The following ZFHX4 variants were observed in gnomAD, a reference collection of about 807,000 sequenced individuals.
The protein encoded by ZFHX4 is zinc finger homeobox protein 4.
ZFHX4 carries 56 observed loss-of-function variants against 267.6 expected under a neutral mutation model. That is an observed-to-expected ratio of 0.21 (90% confidence interval 0.17 to 0.26). ZFHX4 has a LOEUF of 0.26. Among genes scored for constraint, ZFHX4 ranks in the 10% least tolerant of loss-of-function variants. The pLI, the probability that ZFHX4 is intolerant of heterozygous loss-of-function variation, is 1.00. For synonymous variants in ZFHX4, 1,778 were observed against 1,665.6 expected (o/e 1.07, Z -1.64); for missense variants, 4,332 against 4,420.0 (o/e 0.98, Z 0.56).
intron 4 of ZFHX4, among the ~76,000 whole-genome samples, chr8:76,778,973 T>TG (rs1563517318): frequency 6.6e-6 from 1 of 152,238 alleles, no homozygotes; most frequent in Non-Finnish European, 1.5e-5. Flanking sequence ...GTTTTTGCTT[T>TG]GGTTGACCTG....
At position 76,852,189 on chromosome 8, in the gene ZFHX4, G is replaced by C; in HGVS notation, c.5268G>C (p.Leu1756Phe). 6.2e-7 allele frequency: 1 copy of C among 1,613,868 alleles called. No individual in the cohort carries two copies. The highest frequency in any genetic ancestry group is 8.5e-7 in the Non-Finnish European group (1 of 1,179,840). Residue 1756 changes from leucine (L) to phenylalanine (F), a missense_variant, in exon 10 of 11, where the codon TTG becomes TTC. Physicochemically the swap from Leu to Phe is conservative, Grantham distance 22. This residue lies in a region of ZFHX4 where 1,371 missense variants were observed against 1,423.1 expected (regional missense o/e 0.96). Transcript: ENST00000651372. ...TCAGCTTGGGGCCAGATTTGGGCTT[G>C]CCAGGCTCTGCCACATTTGGGATGC... is the stretch of plus-strand genomic sequence containing the variant. ...TEFSLGPDLG[L>F]PGSATFGMPG...
In ZFHX4 at chr8:76,854,593, C is replaced by G. The variant is rs563916980; in HGVS notation, c.7672C>G (p.Gln2558Glu). The G allele has an allele frequency of 7.4e-5, 120 of 1,613,776 alleles. 1 individual carries two copies. In the South Asian group the frequency reaches 1.1e-3, roughly 15 times the overall value. The change falls in exon 10 of 11, where the codon CAA (glutamine) becomes GAA (glutamate). Residue 2558 changes from glutamine (Q) to glutamate (E), a missense_variant. Around this residue, in one of 7 missense-constraint regions of ZFHX4, gnomAD observed 1,648 missense variants for 1,625.0 expected, o/e 1.01. Transcript: ENST00000651372. ...TGQLLGSSLTQMPPQASSSHT... is the reference protein window; with the variant it reads ...TGQLLGSSLTEMPPQASSSHT... Reference sequence around the variant, plus strand: ...ACAACTGCTGGGCAGTTCCCTCACTCAAATGCCCCCTCAGGCCAGTTCCTC... The same window carrying G: ...ACAACTGCTGGGCAGTTCCCTCACTGAAATGCCCCCTCAGGCCAGTTCCTC...
Position 76,706,155 on chromosome 8 carries a change from T to A in ZFHX4, c.2067T>A (p.Gly689=). 6.2e-7 allele frequency: 1 copy of A among 1,613,960 alleles called. No homozygotes were observed. Among genetic ancestry groups the A allele is most frequent in the South Asian group, 1.1e-5 (1 of 91,080 alleles). Residue 689 remains glycine, a synonymous_variant, in exon 2 of 11, where the codon GGT becomes GGA. Coordinates refer to ENST00000651372, the MANE Select transcript of ZFHX4 (RefSeq NM_024721.5). ...AGCCTCACCCCAGGCTTGCCCGGGG[T>A]GAGAGTTACACGTGTGGCTATAAAC... The part of the protein sequence containing the change: ...TGQPHPRLAR[G]ESYTCGYKPF...
chr8:76,846,126 C>T (rs1055559010), intron 6 of ZFHX4, among the ~76,000 whole-genome samples: 1 of 151,968 alleles, frequency 6.6e-6, no homozygotes, highest in African/African-American at 2.4e-5. Context: ...AGTTAATTTT[C>T]TATAATTTAC....
At chr8:76,800,611 C>A (rs969442989) in intron 4 of ZFHX4, among the ~76,000 whole-genome samples, 1 of 152,184 alleles carries the variant, frequency 6.6e-6, no homozygotes, top group Non-Finnish European at 1.5e-5. Context: ...ATCAAGGCCG[C>A]ACTGCCTTGT....
At chr8:76,790,573 A>G (rs866172920) in intron 4 of ZFHX4, among the ~76,000 whole-genome samples, 2 of 152,300 alleles carry the variant, frequency 1.3e-5, no homozygotes. Context: ...TATTGGCTTG[A>G]GATAAAACTT....
At chr8:76,724,807 G>T (rs1471796385) in intron 3 of ZFHX4, among the ~76,000 whole-genome samples, 1 of 152,078 alleles carries the variant, frequency 6.6e-6, no homozygotes, top group Non-Finnish European at 1.5e-5. Context: ...AATCTTACAG[G>T]TCTCAGGAGA....
At chr8:76,821,711 CA>C (rs1298715440) in intron 4 of ZFHX4, among the ~76,000 whole-genome samples, 1 of 152,070 alleles carries the variant, frequency 6.6e-6, no homozygotes, top group African/African-American at 2.4e-5. Context: ...AAAGAAAAAA[CA>C]GCAATAAAAC....
intron 3 of ZFHX4, among the ~76,000 whole-genome samples, chr8:76,711,634 TA>T (rs986001804): frequency 9.2e-5 from 14 of 152,162 alleles, no homozygotes; most frequent in Admixed American, 2.0e-4. Flanking sequence ...AGTGATGGAT[TA>T]ACGAATCAAC....
intron 4 of ZFHX4, among the ~76,000 whole-genome samples, chr8:76,781,622 G>T (rs914752230): frequency 6.6e-6 from 1 of 151,954 alleles, no homozygotes; most frequent in East Asian, 1.9e-4. Context: ...TTTTTATCAC[G>T]ATGCAGAATA....
At chr8:76,743,033 ACATTTACATATTCCATT>A (rs1232141575) in intron 3 of ZFHX4, among the ~76,000 whole-genome samples, 38 of 152,228 alleles carry the variant, frequency 2.5e-4, no homozygotes, top group African/African-American at 7.7e-4. Context: ...TTCTTTTCAA[ACATTTACATATTCCATT>A]TTAAACCATT....
chr8:76,729,701 T>G (rs1808947402), intron 3 of ZFHX4, among the ~76,000 whole-genome samples: 1 of 152,182 alleles, frequency 6.6e-6, no homozygotes, highest in Non-Finnish European at 1.5e-5. Context: ...TTGTTGTATG[T>G]TATAAAATTC....
In ZFHX4 at chr8:76,854,012, GCA is replaced by G; in HGVS notation, c.7094_7095del (p.Thr2365SerfsTer9). 6.2e-7 allele frequency: 1 copy of G among 1,613,920 alleles called. No homozygotes were observed. The highest frequency in any genetic ancestry group is 8.5e-7 in the Non-Finnish European group (1 of 1,179,872). On this transcript the variant is annotated frameshift_variant, in exon 10 of 11. Coordinates refer to ENST00000651372, the MANE Select transcript of ZFHX4 (RefSeq NM_024721.5). LOFTEE classifies it high-confidence loss of function. ...ACTGATCAAGTGGTATACAAGCATT[GCA>G]CAGTGTCTGGCCAAACGGATGCAGC...
chr8:76,763,935 G>A (rs147960982), intron 3 of ZFHX4, among the ~76,000 whole-genome samples: 1 of 152,150 alleles, frequency 6.6e-6, no homozygotes, highest in African/African-American at 2.4e-5. Context: ...CATTAATTCT[G>A]ATGTTTTTAT....
At chr8:76,857,889 A>G (rs1036832581) in intron 10 of ZFHX4, among the ~76,000 whole-genome samples, 1 of 150,334 alleles carries the variant, frequency 6.7e-6, no homozygotes, top group Non-Finnish European at 1.5e-5. Context: ...TTCTGGTCCC[A>G]TTTTATATAC....
chr8:76,732,279 G>A (rs1034638313), intron 3 of ZFHX4, among the ~76,000 whole-genome samples: 1 of 151,982 alleles, frequency 6.6e-6, no homozygotes, highest in Non-Finnish European at 1.5e-5. Context: ...ATTAATATTA[G>A]CAGGTTAATA....
chr8:76,842,817 C>T (rs1812271280), intron 6 of ZFHX4, 46 bp downstream of exon 6: 1 of 1,365,802 alleles, frequency 7.3e-7, no homozygotes, highest in Non-Finnish European at 1.0e-6. Flanking sequence ...TATACCCATT[C>T]CCTGCCATCA....
Position 76,707,906 on chromosome 8 carries a change from A to T in ZFHX4, c.2951A>T (p.Asn984Ile), listed in dbSNP as rs1312906731. Residue 984 changes from asparagine to isoleucine, a missense_variant, in exon 3 of 11, where the codon AAT becomes ATT. Asn to Ile is a moderately radical substitution (Grantham distance 149, BLOSUM62 -3). Around this residue, in one of 7 missense-constraint regions of ZFHX4, gnomAD observed 1,371 missense variants for 1,423.1 expected, o/e 0.96. Coordinates refer to ENST00000651372, the MANE Select transcript of ZFHX4 (RefSeq NM_024721.5). ...VAHIKEGGKS[N>I]EWRLKCIAIG... The stretch of plus-strand genomic sequence containing the variant: ...CACATTAAAGAAGGGGGCAAAAGCA[A>T]TGAGTGGAGGTTGAAGTGTATTGCC... 6.2e-7 allele frequency: 1 copy of T among 1,614,072 alleles called. No individual in the cohort carries two copies. The highest frequency in any genetic ancestry group is 2.2e-5 in the East Asian group (1 of 44,882).
At chr8:76,736,483 A>G (rs1809164128) in intron 3 of ZFHX4, among the ~76,000 whole-genome samples, 1 of 152,162 alleles carries the variant, frequency 6.6e-6, no homozygotes, top group Admixed American at 6.5e-5. Context: ...AAACTGATAT[A>G]AAAATCTGGG....
Sources: allele counts gnomAD v4.1 joint callset (sites outside exome capture counted in the v4.1 genomes callset), GRCh38; gene constraint gnomAD v4.1.1; regional missense constraint gnomAD v4.1.1; transcripts MANE v1.5; gene names NCBI Gene and HGNC (gene_info 2026-07-23, HGNC 2026-07-21).